The following UNCX variants were observed in gnomAD, a reference collection of about 807,000 sequenced individuals.
The protein encoded by UNCX is homeobox protein unc-4 homolog.
UNCX carries 4 observed loss-of-function variants against 14.8 expected under a neutral mutation model. That is an observed-to-expected ratio of 0.27 (90% CI 0.13 to 0.62). The LOEUF is 0.62. Ranked by LOEUF, UNCX falls within the 20% of genes least tolerant of loss-of-function variation. The pLI, the probability that UNCX is intolerant of heterozygous loss-of-function variation, is 0.86. For synonymous variants in UNCX, 459 were observed against 395.8 expected (o/e 1.16, Z -1.90); for missense variants, 749 against 786.8 (o/e 0.95, Z 0.58).
Position 1,233,904 on chromosome 7 carries a change from C to T in UNCX, c.450+209C>T, listed in dbSNP as rs1460705518. Among the ~76,000 whole-genome samples the T allele has an allele frequency of 6.6e-6, 1 of 152,222 alleles. No homozygotes were observed. The highest frequency in any genetic ancestry group is 1.5e-5 in the Non-Finnish European group (1 of 68,034). On this transcript the variant is annotated intron_variant, in intron 2 of 2. Coordinates refer to ENST00000316333, the MANE Select transcript of UNCX (RefSeq NM_001080461.3). This position sits in a 1 kb window ranked among gnomAD's most constrained non-coding sequence, Gnocchi z 5.3. ...GGTAACTGCCCCCCAAAAGCCTGGG[C>T]GGCTTGAGAAGGGCCGGCGGCAGCA...
rs1315895561 is a variant in UNCX, at chr7:1,236,544, G to A, written c.1163G>A (p.Gly388Asp). ...FLLYPITQPL[G>D]FLVPQAALKG... Reference sequence around the variant, plus strand: ...CTCTACCCCATCACGCAGCCGCTCGGCTTCCTGGTGCCGCAGGCCGCGCTC... The same window carrying A: ...CTCTACCCCATCACGCAGCCGCTCGACTTCCTGGTGCCGCAGGCCGCGCTC... The change falls in exon 3 of 3, where the codon GGC becomes GAC. Residue 388 changes from glycine (G) to aspartate (D), a missense_variant. By Grantham distance (94) the Gly-to-Asp change is moderately conservative. This residue lies in a region of UNCX where 552 missense variants were observed against 507.2 expected (regional missense o/e 1.09). Coordinates refer to ENST00000316333, the MANE Select transcript of UNCX (RefSeq NM_001080461.3). The surrounding 1 kb of genome is among the most constrained non-coding windows in gnomAD (Gnocchi z 6.9). 1 of 1,378,562 alleles carries A rather than the reference G, an allele frequency of 7.3e-7. No homozygotes were observed. 85.4% of individuals were successfully genotyped at this position (1,378,562 alleles called of 1,614,324 possible). A position where few individuals can be genotyped will look rare whatever the true frequency, so the allele number is the denominator to read the frequency against.
In UNCX at chr7:1,233,313, G is replaced by A; in HGVS notation, c.274+22G>A. 1 of 1,321,348 alleles carries A rather than the reference G, an allele frequency of 7.6e-7. No homozygotes were observed. The highest frequency in any genetic ancestry group is 9.6e-7 in the Non-Finnish European group (1 of 1,042,314). The allele number at this position is 1,321,348 out of a possible 1,614,324, so 81.9% of individuals were successfully genotyped here. A position where few individuals can be genotyped will look rare whatever the true frequency, so the allele number is the denominator to read the frequency against. ...TCAGGTAGGCGCGGCGGGCGGGAGGGCGGGGAGGAGTGCGGCTGGGGGCGG... is the reference window on the plus strand; with the variant it reads ...TCAGGTAGGCGCGGCGGGCGGGAGGACGGGGAGGAGTGCGGCTGGGGGCGG... On this transcript the variant is annotated intron_variant, in intron 1 of 2. Coordinates refer to ENST00000316333, the MANE Select transcript of UNCX (RefSeq NM_001080461.3). This position sits in a 1 kb window ranked among gnomAD's most constrained non-coding sequence, Gnocchi z 5.3.
At chr7:1,234,740 G>A (rs1039188109) in intron 2 of UNCX, among the ~76,000 whole-genome samples, 54 of 80,916 alleles carry the variant, frequency 6.7e-4, no homozygotes, top group African/African-American at 2.5e-3. Context: ...AGGCAGTCCG[G>A]AATTCGCACC....
chr7:1,236,363 A>C lies in UNCX; in HGVS notation c.982A>C (p.Lys328Gln). 2.2e-6 allele frequency: 3 copies of C among 1,342,788 alleles called. No homozygotes were observed. The highest frequency in any genetic ancestry group is 2.9e-6 in the Non-Finnish European group (3 of 1,044,472). 83.2% of individuals were successfully genotyped at this position (1,342,788 alleles called of 1,614,324 possible). A position where few individuals can be genotyped will look rare whatever the true frequency, so the allele number is the denominator to read the frequency against. Reference sequence around the variant, plus strand: ...GGAGCGCGGCGCCGCGGGGCTGCCCAAGGCCAGCCCATTCAGCGTGGAGAG... The same window carrying C: ...GGAGCGCGGCGCCGCGGGGCTGCCCCAGGCCAGCCCATTCAGCGTGGAGAG... ...AVERGAAGLP[K>Q]ASPFSVESLL... Residue 328 changes from lysine to glutamine, a missense_variant, in exon 3 of 3, where the codon AAG becomes CAG. Lys to Gln is a moderately conservative substitution (Grantham distance 53). Around this residue, in one of 3 missense-constraint regions of UNCX, gnomAD observed 552 missense variants for 507.2 expected, o/e 1.09. Transcript: ENST00000316333. This position sits in a 1 kb window ranked among gnomAD's most constrained non-coding sequence, Gnocchi z 6.9.
chr7:1,233,360 G>T lies in UNCX; in HGVS notation c.274+69G>T, dbSNP rs556922415. The T allele has an allele frequency of 6.7e-6, 9 of 1,346,934 alleles. No individual in the cohort carries two copies. The African/African-American group carries it at 1.2e-4, about 19-fold the overall frequency. 83.4% of individuals were successfully genotyped at this position (1,346,934 alleles called of 1,614,324 possible). On this transcript the variant is annotated intron_variant, in intron 1 of 2. Transcript: ENST00000316333. This position sits in a 1 kb window ranked among gnomAD's most constrained non-coding sequence, Gnocchi z 5.3. The stretch of plus-strand genomic sequence containing the variant: ...GCGGGGGCCCTGGTCCGGCCGAGGC[G>T]CTGGGGGGCCCGGGGCTGGCGAAGG...
In UNCX at chr7:1,236,614, C is replaced by T. The variant is rs1438721887; in HGVS notation, c.1233C>T (p.Pro411=). ...GLEPAPKDAP[P]APAVPPAPPA... is the part of the protein sequence containing the mutation. ...AGCCGGCGCCCAAGGACGCGCCGCC[C>T]GCGCCCGCCGTGCCGCCCGCGCCGC... is the stretch of plus-strand genomic sequence containing the variant. Residue 411 remains proline, a synonymous_variant, in exon 3 of 3, where the codon CCC becomes CCT. Transcript: ENST00000316333. The surrounding 1 kb of genome is among the most constrained non-coding windows in gnomAD (Gnocchi z 6.9). 3 of 1,094,524 alleles carry T rather than the reference C, an allele frequency of 2.7e-6. No homozygotes were observed. The highest frequency in any genetic ancestry group is 1.2e-4 in the East Asian group (2 of 16,372). 67.8% of individuals were successfully genotyped at this position (1,094,524 alleles called of 1,614,324 possible).
chr7:1,235,038 T>A (rs1166344629), intron 2 of UNCX, among the ~76,000 whole-genome samples: 1 of 152,122 alleles, frequency 6.6e-6, no homozygotes, highest in Non-Finnish European at 1.5e-5. Context: ...GGATGTCCTG[T>A]GTGGCTCCCC....
In UNCX at chr7:1,233,516, G is replaced by T. The variant is rs750802390; in HGVS notation, c.275-4G>T. The T allele has an allele frequency of 6.2e-7, 1 of 1,606,924 alleles. No homozygotes were observed. Among genetic ancestry groups the T allele is most frequent in the African/African-American group, 1.3e-5 (1 of 74,398 alleles). ...GCCGCGCTGCGTCCTGTGACTGCCC[G>T]CAGACTCGGGGGACCCGGACAAGGA... On this transcript the variant is annotated splice_region_variant and splice_polypyrimidine_tract_variant and intron_variant, in intron 1 of 2. Transcript: ENST00000316333. The surrounding 1 kb of genome is among the most constrained non-coding windows in gnomAD (Gnocchi z 5.3).
Position 1,233,512 on chromosome 7 carries a change from G to T in UNCX, c.275-8G>T. On this transcript the variant is annotated splice_region_variant and splice_polypyrimidine_tract_variant and intron_variant, in intron 1 of 2. Transcript: ENST00000316333. The surrounding 1 kb of genome is among the most constrained non-coding windows in gnomAD (Gnocchi z 5.3). ...CTGAGCCGCGCTGCGTCCTGTGACT[G>T]CCCGCAGACTCGGGGGACCCGGACA... The T allele has an allele frequency of 1.2e-6, 2 of 1,607,382 alleles. No homozygotes were observed. The highest frequency in any genetic ancestry group is 2.2e-5 in the East Asian group (1 of 44,684).
Position 1,233,482 on chromosome 7 carries a change from G to C in UNCX, c.275-38G>C. 7 of 1,559,624 alleles carry C rather than the reference G, an allele frequency of 4.5e-6. No individual in the cohort carries two copies. Among genetic ancestry groups the C allele is most frequent in the Non-Finnish European group, 6.0e-6 (7 of 1,157,758 alleles). On this transcript the variant is annotated intron_variant, in intron 1 of 2. Transcript: ENST00000316333. This position sits in a 1 kb window ranked among gnomAD's most constrained non-coding sequence, Gnocchi z 5.3. Reference sequence around the variant, plus strand: ...GAGGGGTGGGGGTCGGGCCTGGGCCGGTGGCTGAGCCGCGCTGCGTCCTGT... The same window carrying C: ...GAGGGGTGGGGGTCGGGCCTGGGCCCGTGGCTGAGCCGCGCTGCGTCCTGT...
Position 1,232,875 on chromosome 7 carries a change from GC to G in UNCX, c.-142del, listed in dbSNP as rs1778667516. On this transcript the variant is annotated 5_prime_UTR_variant, in exon 1 of 3. Transcript: ENST00000316333. ...CGGGAGCTTGATGTTGATAAGTAAA[GC>G]GCCGGAGTGCGGGCGAAGCATGTGT... 2 of 271,740 alleles carry G rather than the reference GC, an allele frequency of 7.4e-6. No homozygotes were observed. Among genetic ancestry groups the G allele is most frequent in the African/African-American group, 4.6e-5 (2 of 43,416 alleles). The allele number at this position is 271,740 out of a possible 1,614,324, so 16.8% of individuals were successfully genotyped here. A position where few individuals can be genotyped will look rare whatever the true frequency, so the allele number is the denominator to read the frequency against.
Position 1,236,473 on chromosome 7 carries a change from G to A in UNCX, c.1092G>A (p.Gly364=). ...CCGCGGGGCTGGACTTCGCGCCCGG[G>A]CTGCCGTGCGCGCCGCGGACCCTGA... ...AAAAGLDFAP[G]LPCAPRTLIG... The change falls in exon 3 of 3, where the codon GGG becomes GGA. Residue 364 remains glycine (G), a synonymous_variant. Transcript: ENST00000316333. The surrounding 1 kb of genome is among the most constrained non-coding windows in gnomAD (Gnocchi z 6.9). The A allele has an allele frequency of 2.9e-6, 4 of 1,382,036 alleles. No homozygotes were observed. The highest frequency in any genetic ancestry group is 1.4e-5 in the South Asian group (1 of 69,654). The allele number at this position is 1,382,036 out of a possible 1,614,324, so 85.6% of individuals were successfully genotyped here.
chr7:1,233,698 A>G lies in UNCX; in HGVS notation c.450+3A>G. On this transcript the variant is annotated splice_donor_region_variant and intron_variant, in intron 2 of 2. Transcript: ENST00000316333. The surrounding 1 kb of genome is among the most constrained non-coding windows in gnomAD (Gnocchi z 5.3). The stretch of plus-strand genomic sequence containing the variant: ...ACCTGGTCGAGTCCCGAGTTCAGGT[A>G]AAGACCCGGCGTCGCTCCCGGATCT... The G allele has an allele frequency of 6.3e-7, 1 of 1,591,710 alleles. No individual in the cohort carries two copies. Among genetic ancestry groups the G allele is most frequent in the Non-Finnish European group, 8.6e-7 (1 of 1,166,474 alleles).
At chr7:1,234,200 G>C (rs942168075) in intron 2 of UNCX, among the ~76,000 whole-genome samples, 1 of 152,088 alleles carries the variant, frequency 6.6e-6, no homozygotes, top group Non-Finnish European at 1.5e-5. Context: ...TTTATTCATC[G>C]CTTTGCAGAA....
chr7:1,236,417 A>G lies in UNCX; in HGVS notation c.1036A>G (p.Lys346Glu). ...CCTGTCCGACTCGCCGCCGCGCCGG[A>G]AAGCCGCTTCCAACGCCGCCGCCGC... is the stretch of plus-strand genomic sequence containing the variant. Reference protein sequence around the residue: ...SLLSDSPPRRKAASNAAAAAA... With the variant: ...SLLSDSPPRREAASNAAAAAA... The change falls in exon 3 of 3, where the codon AAA (lysine) becomes GAA (glutamate). Residue 346 changes from lysine (K) to glutamate (E), a missense_variant. Lys to Glu is a moderately conservative substitution (Grantham distance 56). Transcript: ENST00000316333. The surrounding 1 kb of genome is among the most constrained non-coding windows in gnomAD (Gnocchi z 6.9). 1 of 1,368,150 alleles carries G rather than the reference A, an allele frequency of 7.3e-7. No individual in the cohort carries two copies. The allele number at this position is 1,368,150 out of a possible 1,614,324, so 84.8% of individuals were successfully genotyped here.
In UNCX at chr7:1,236,003, G is replaced by T; in HGVS notation, c.622G>T (p.Glu208Ter). ...EKMEKKKRKH[E>*]KKLLKSQGRH... ...GATGGAGAAGAAGAAGCGCAAGCAC[G>T]AGAAGAAGCTGCTGAAGAGCCAGGG... The change falls in exon 3 of 3, where the codon GAG becomes TAG. Residue 208 changes from glutamate to a stop codon, truncating the protein, a stop_gained. Transcript: ENST00000316333. LOFTEE classifies it low-confidence loss of function (END_TRUNC). The surrounding 1 kb of genome is among the most constrained non-coding windows in gnomAD (Gnocchi z 6.9). 6.2e-7 allele frequency: 1 copy of T among 1,608,616 alleles called. No homozygotes were observed. The highest frequency in any genetic ancestry group is 8.5e-7 in the Non-Finnish European group (1 of 1,178,394).
chr7:1,237,130 G>A lies in UNCX; in HGVS notation c.*153G>A. On this transcript the variant is annotated 3_prime_UTR_variant, in exon 3 of 3. Transcript: ENST00000316333. This position sits in a 1 kb window ranked among gnomAD's most constrained non-coding sequence, Gnocchi z 5.8. The stretch of plus-strand genomic sequence containing the variant: ...TTTATTATTTTTTTTAAGAGTAAAC[G>A]AAAGTGCTGTATGAATTCGGACCCA... 2.7e-6 allele frequency: 2 copies of A among 730,666 alleles called. No homozygotes were observed. Among genetic ancestry groups the A allele is most frequent in the Non-Finnish European group, 3.4e-6 (2 of 582,276 alleles). 45.3% of individuals were successfully genotyped at this position (730,666 alleles called of 1,614,324 possible).
Position 1,237,219 on chromosome 7 carries a change from G to A in UNCX, c.*242G>A. 4.9e-6 allele frequency: 1 copy of A among 204,630 alleles called. No homozygotes were observed. The highest frequency in any genetic ancestry group is 1.1e-4 in the East Asian group (1 of 9,134). The allele number at this position is 204,630 out of a possible 1,614,324, so 12.7% of individuals were successfully genotyped here. On this transcript the variant is annotated 3_prime_UTR_variant, in exon 3 of 3. Coordinates refer to ENST00000316333, the MANE Select transcript of UNCX (RefSeq NM_001080461.3). This position sits in a 1 kb window ranked among gnomAD's most constrained non-coding sequence, Gnocchi z 5.8. ...CCCAAGAGAGCAAAAAGGACCCATG[G>A]CCCCCAAAAAACCCCACAACGAGAA...
rs750791052 is a variant in UNCX at position 1,235,789 on chromosome 7, G to A, written c.451-43G>A. The A allele has an allele frequency of 6.4e-6, 10 of 1,560,704 alleles. No homozygotes were observed. In the South Asian group the frequency reaches 1.0e-4, roughly 16 times the overall value. On this transcript the variant is annotated intron_variant, in intron 2 of 2. Transcript: ENST00000316333. ...GGTCCTCGGCCCCGGCGGCCAGCCC[G>A]CCGCCTGATTGTGGCTTCCTCTCCC...
Sources: gnomAD v4.1 joint callset for allele counts (sites outside exome capture counted in the v4.1 genomes callset) on GRCh38, gnomAD v4.1.1 for gene constraint, gnomAD v4.1.1 regional missense constraint, Gnocchi (gnomAD v3.1) non-coding constraint, MANE v1.5 for transcripts, NCBI Gene and HGNC (gene_info 2026-07-23, HGNC 2026-07-21) for gene names.